The following AQR variants were observed in gnomAD, a reference collection of about 807,000 sequenced individuals.
AQR encodes the protein aquarius intron-binding spliceosomal factor, also known as RNA helicase aquarius.
Under a neutral mutation model 180.5 loss-of-function variants are expected in AQR, and 61 were observed. The observed-to-expected ratio is 0.34, with a 90% CI of 0.28 to 0.42. The LOEUF (loss-of-function observed/expected upper bound fraction) is 0.42. Among genes scored for constraint, AQR ranks in the 10% least tolerant of loss-of-function variants. The probability of loss-of-function intolerance (pLI) is 1.00; values close to 1 mark genes in which losing one functional copy is unlikely to be tolerated. For missense variants in AQR, 1,281 were observed against 1,798.3 expected (o/e 0.71, Z 5.20); for synonymous variants, 551 against 588.8 (o/e 0.94, Z 0.93).
In AQR at chr15:34,870,762, C is replaced by T. The variant is rs1892805209; in HGVS notation, c.3758G>A (p.Arg1253Lys). ...RRCGNNPLIG[R>K]PNKVTTVDRF... ...TAATTATAAAAGTACCTTGTTTGGTCTTCCAATCAATGGATTGTTTCCACA... is the reference window on the plus strand; with the variant it reads ...TAATTATAAAAGTACCTTGTTTGGTTTTCCAATCAATGGATTGTTTCCACA... Residue 1253 changes from arginine (R) to lysine (K), a missense_variant, in exon 31 of 35, where the codon AGA becomes AAA. Arg to Lys is a conservative substitution (Grantham distance 26). This residue lies in a region of AQR where 197 missense variants were observed against 320.7 expected (regional missense o/e 0.61). Coordinates refer to ENST00000156471, the MANE Select transcript of AQR (RefSeq NM_014691.3). 6.2e-7 allele frequency: 1 copy of T among 1,610,610 alleles called. No individual in the cohort carries two copies. The highest frequency in any genetic ancestry group is 1.3e-5 in the African/African-American group (1 of 74,822).
chr15:34,958,946 T>C (rs1053169553), intron 3 of AQR, among the ~76,000 whole-genome samples: 3 of 152,140 alleles, frequency 2.0e-5, no homozygotes, highest in Non-Finnish European at 4.4e-5. Context: ...CAGCATTTAC[T>C]GTCTCCTGAC....
rs1360856681 is a variant in AQR at position 34,886,563 on chromosome 15, T to C, written c.2780A>G (p.Tyr927Cys). Residue 927 changes from tyrosine to cysteine, a missense_variant, in exon 25 of 35, where the codon TAT becomes TGT. Physicochemically the swap from Tyr to Cys is radical, Grantham distance 194. Coordinates refer to ENST00000156471, the MANE Select transcript of AQR (RefSeq NM_014691.3). ...KSLGVPGDASYTCETAGYFFL... is the reference protein window; with the variant it reads ...KSLGVPGDASCTCETAGYFFL... ...GAAATAGCCTGCAGTTTCACAGGTATATGAGGCATCTCCTGGAACCCCTAG... is the reference window on the plus strand; with the variant it reads ...GAAATAGCCTGCAGTTTCACAGGTACATGAGGCATCTCCTGGAACCCCTAG... 2 of 1,613,448 alleles carry C rather than the reference T, an allele frequency of 1.2e-6. No individual in the cohort carries two copies. The highest frequency in any genetic ancestry group is 2.7e-5 in the African/African-American group (2 of 74,864).
At chr15:34,889,902 A>G (rs1053023572) in intron 24 of AQR, among the ~76,000 whole-genome samples, 1 of 152,224 alleles carries the variant, frequency 6.6e-6, no homozygotes, top group African/African-American at 2.4e-5. Context: ...AAAGTTGTAC[A>G]GTTTTGAACT....
rs554953718 is a variant in AQR at position 34,953,456 on chromosome 15, T to C, written c.174-536A>G. 8.5e-5 allele frequency among the ~76,000 whole-genome samples: 13 copies of C among 152,324 alleles called. No individual in the cohort carries two copies. In the East Asian group the frequency reaches 1.9e-3, roughly 23 times the overall value. On this transcript the variant is annotated intron_variant, in intron 3 of 34. Transcript: ENST00000156471. ...GTCACTAGATAATTGTTTCCAGCTT[T>C]GAAAATTAAAAATACATGTATTATG...
In AQR at chr15:34,918,378, C is replaced by G; in HGVS notation, c.1222G>C (p.Val408Leu). ...FDKEFLLELL[V>L]SRHERRISQI... ...GAAATTCGACGTTCATGACGAGATA[C>G]CTAAAATAAAGGAAACAAGTTCATG... Residue 408 changes from valine (V) to leucine (L), a missense_variant and splice_region_variant, in exon 15 of 35, where the codon GTA (valine) becomes CTA (leucine). By Grantham distance (32) the Val-to-Leu change is conservative (BLOSUM62 1). Coordinates refer to ENST00000156471, the MANE Select transcript of AQR (RefSeq NM_014691.3). The G allele has an allele frequency of 6.2e-7, 1 of 1,612,034 alleles. No individual in the cohort carries two copies. Among genetic ancestry groups the G allele is most frequent in the South Asian group, 1.1e-5 (1 of 90,552 alleles).
At chr15:34,943,245 T>G in intron 6 of AQR, 1 of 1,609,352 alleles carries the variant, frequency 6.2e-7, no homozygotes, top group East Asian at 2.2e-5. Flanking sequence ...TAAGCCAATT[T>G]TCTGGAAAAA....
chr15:34,968,253 AGAT>A, intron 1 of AQR, among the ~76,000 whole-genome samples: 2 of 85,982 alleles, frequency 2.3e-5, no homozygotes, highest in Admixed American at 1.1e-4. Context: ...AGGAAGGAAG[AGAT>A]TTTTTTTTTT....
chr15:34,869,554 C>T (rs1252183897), intron 31 of AQR: 1 of 152,106 alleles, frequency 6.6e-6, no homozygotes, highest in Non-Finnish European at 1.5e-5. Flanking sequence ...ACCCTATTTC[C>T]ATCTTGTTAT....
At chr15:34,960,230 C>A (rs11635485) in intron 3 of AQR, among the ~76,000 whole-genome samples, 93,228 of 152,012 alleles carry the variant, frequency 0.61, 30,862 homozygotes, top group South Asian at 0.75. Context: ...AGAGTACAAA[C>A]CCTTTTGTGT....
intron 13 of AQR, among the ~76,000 whole-genome samples, chr15:34,925,557 G>A (rs575966441): frequency 6.6e-6 from 1 of 152,250 alleles, no homozygotes; most frequent in South Asian, 2.1e-4. Flanking sequence ...TCACCAAAAG[G>A]AGGCCAGGAG....
At chr15:34,857,372 C>T (rs1253131534) in intron 34 of AQR, among the ~76,000 whole-genome samples, 1 of 152,196 alleles carries the variant, frequency 6.6e-6, no homozygotes. Context: ...AAGCAACATA[C>T]TTTGCTGTCA....
At chr15:34,884,028 C>A (rs1478865404) in intron 26 of AQR, among the ~76,000 whole-genome samples, 2 of 152,126 alleles carry the variant, frequency 1.3e-5, no homozygotes, top group African/African-American at 4.8e-5. Context: ...ATTCCTTTCT[C>A]AAAAATACTA....
At position 34,944,336 on chromosome 15, in the gene AQR, A is replaced by T. The variant is rs767797874; in HGVS notation, c.423T>A (p.His141Gln). The change falls in exon 6 of 35, where the codon CAT becomes CAA. Residue 141 changes from histidine to glutamine, a missense_variant. His to Gln is a conservative substitution (Grantham distance 24). Transcript: ENST00000156471. ...LAETDGEFSL[H>Q]EQTVLLLFLD... is the part of the protein sequence containing the mutation. ...GAAAAAGTAGTAAGACTGTCTGTTC[A>T]TGAAGTGAAAATTCACCATCAGTTT... 3 of 1,611,316 alleles carry T rather than the reference A, an allele frequency of 1.9e-6. No individual in the cohort carries two copies. Among genetic ancestry groups the T allele is most frequent in the African/African-American group, 2.7e-5 (2 of 74,794 alleles).
intron 24 of AQR, among the ~76,000 whole-genome samples, chr15:34,887,399 G>A (rs947975097): frequency 2.6e-5 from 4 of 152,200 alleles, no homozygotes; most frequent in Non-Finnish European, 4.4e-5. Flanking sequence ...CATAAAAGTA[G>A]ATTAGATCTA....
chr15:34,969,458 C>A, intron 1 of AQR, 81 bp downstream of exon 1: 1 of 1,485,152 alleles, frequency 6.7e-7, no homozygotes. Context: ...ACTCCTAAAT[C>A]CTGAAAAAAA....
At chr15:34,871,012 T>C (rs953694397) in intron 30 of AQR, 90 bp from the exon 31 acceptor site, 111 of 1,322,832 alleles carry the variant, frequency 8.4e-5, no homozygotes, top group Non-Finnish European at 1.1e-4. Flanking sequence ...GCAAAACTTG[T>C]TCACTTTGCA....
intron 3 of AQR, among the ~76,000 whole-genome samples, chr15:34,954,396 C>T (rs377580737): frequency 6.6e-6 from 1 of 152,098 alleles, no homozygotes; most frequent in East Asian, 1.9e-4. Flanking sequence ...GTCTCAATCT[C>T]CCAGGCTCAA....
At chr15:34,964,146 TA>T in intron 2 of AQR, 87 bp downstream of exon 2, 3 of 973,932 alleles carry the variant, frequency 3.1e-6, no homozygotes, top group Non-Finnish European at 3.1e-6. Context: ...TTTTTAATTT[TA>T]AAAAAATTAT....
At chr15:34,890,062 A>G (rs1595787674) in intron 24 of AQR, among the ~76,000 whole-genome samples, 153 bp downstream of exon 24, 1 of 152,364 alleles carries the variant, frequency 6.6e-6, no homozygotes, top group Non-Finnish European at 1.5e-5. Flanking sequence ...CATCATGACC[A>G]TATTTCTAGC....
Sources: allele counts gnomAD v4.1 joint callset (sites outside exome capture counted in the v4.1 genomes callset), GRCh38; gene constraint gnomAD v4.1.1; regional missense constraint gnomAD v4.1.1; transcripts MANE v1.5; gene names NCBI Gene and HGNC (gene_info 2026-07-23, HGNC 2026-07-21).